The following BICRAL variants were observed in gnomAD, a reference collection of about 807,000 sequenced individuals.
BICRAL encodes BRD4-interacting chromatin-remodeling complex-associated protein-like.
Under a neutral mutation model 91.8 loss-of-function variants are expected in BICRAL, and 8 were observed. That is an observed-to-expected ratio of 0.09 (90% CI 0.05 to 0.16). BICRAL has a LOEUF of 0.16. Among genes scored for constraint, BICRAL ranks in the 10% least tolerant of loss-of-function variants. The pLI is 1.00. For missense variants in BICRAL, 1,038 were observed against 1,310.9 expected (o/e 0.79, Z 3.21); for synonymous variants, 445 against 491.1 (o/e 0.91, Z 1.24).
chr6:42,811,692 ACT>A (rs1763849160), intron 2 of BICRAL, among the ~76,000 whole-genome samples: 1 of 149,924 alleles, frequency 6.7e-6, no homozygotes, highest in African/African-American at 2.5e-5. Context: ...ACTGCACTCC[ACT>A]CTACTATCTG....
exon 1 of BICRAL, chr6:42,747,003 G>A (rs1762287699): frequency 1.3e-5 from 2 of 152,438 alleles, no homozygotes; most frequent in Admixed American, 1.3e-4. Flanking sequence ...TCCGCAGCTG[G>A]GCGTCGCCGG....
chr6:42,841,522 G>A (rs1042979493), intron 6 of BICRAL, among the ~76,000 whole-genome samples: 3 of 151,936 alleles, frequency 2.0e-5, no homozygotes, highest in African/African-American at 7.2e-5. Context: ...TTCTAGTCCC[G>A]CTCTGCCCCT....
chr6:42,863,072 C>T (rs1262778948), intron 12 of BICRAL, among the ~76,000 whole-genome samples: 3 of 135,552 alleles, frequency 2.2e-5, no homozygotes, highest in Admixed American at 8.0e-5. Flanking sequence ...TTTTTTGAGA[C>T]GGAGTATCGC....
At position 42,852,156 on chromosome 6, in the gene BICRAL, G is replaced by A. The variant is rs560073193; in HGVS notation, c.1904G>A (p.Arg635Lys). The A allele has an allele frequency of 1.5e-4, 243 of 1,613,708 alleles. 3 individuals are homozygous for A. The South Asian group carries it at 2.4e-3, about 16-fold the overall frequency. ...GCTCCCAAGACCACAGACGGCCTGA[G>A]GCAAGCACAGATCCCTGGGCTCTTG... ...ISAPKTTDGL[R>K]QAQIPGLLST... The change falls in exon 7 of 13, where the codon AGG becomes AAG. Residue 635 changes from arginine to lysine, a missense_variant. Around this residue, in one of 5 missense-constraint regions of BICRAL, gnomAD observed 532 missense variants for 724.9 expected, o/e 0.73. Transcript: ENST00000314073.
intron 1 of BICRAL, among the ~76,000 whole-genome samples, chr6:42,762,333 C>G (rs1402498900): frequency 6.6e-6 from 1 of 152,180 alleles, no homozygotes; most frequent in Admixed American, 6.5e-5. Context: ...CAAAATTTAA[C>G]TGGCTTGTAA....
chr6:42,830,911 T>C (rs1009313814), intron 6 of BICRAL, among the ~76,000 whole-genome samples: 1 of 152,096 alleles, frequency 6.6e-6, no homozygotes, highest in Non-Finnish European at 1.5e-5. Flanking sequence ...ACACCCGACC[T>C]TTTTTCTTAA....
chr6:42,853,078 A>AC (rs1025700598), intron 7 of BICRAL, among the ~76,000 whole-genome samples: 6 of 152,034 alleles, frequency 3.9e-5, no homozygotes, highest in Non-Finnish European at 2.9e-5. Context: ...AAAAAAAAAA[A>AC]AAAAGAAAAG....
intron 7 of BICRAL, 150 bp downstream of exon 7, chr6:42,852,347 A>G (rs1765210518): frequency 1.4e-6 from 1 of 708,768 alleles, no homozygotes; most frequent in African/African-American, 1.7e-5. Context: ...CGCAAATAAT[A>G]TACTGTGTTG....
At chr6:42,857,021 C>T (rs1390269086) in intron 9 of BICRAL, 70 bp from the exon 10 acceptor site, 11 of 1,300,934 alleles carry the variant, frequency 8.5e-6, no homozygotes, top group Non-Finnish European at 1.2e-5. Context: ...TATTTGCATG[C>T]AAATAAATAT....
At chr6:42,826,930 G>A (rs918437881) in intron 5 of BICRAL, among the ~76,000 whole-genome samples, 1 of 152,060 alleles carries the variant, frequency 6.6e-6, no homozygotes, top group African/African-American at 2.4e-5. Flanking sequence ...GGGATTACAG[G>A]CATGCGCCAC....
intron 1 of BICRAL, among the ~76,000 whole-genome samples, chr6:42,782,385 T>A (rs1482228173): frequency 1.3e-5 from 1 of 79,872 alleles, no homozygotes; most frequent in Admixed American, 1.6e-4. Context: ...TGGTGGTGGG[T>A]GGATGTTTAA....
chr6:42,820,440 A>G (rs1460393650), intron 2 of BICRAL, among the ~76,000 whole-genome samples: 2 of 152,176 alleles, frequency 1.3e-5, no homozygotes, highest in Admixed American at 6.5e-5. Context: ...AGACAAGCCT[A>G]TGGTATGCTG....
chr6:42,809,636 A>G (rs1420372262), intron 1 of BICRAL, among the ~76,000 whole-genome samples: 1 of 151,006 alleles, frequency 6.6e-6, no homozygotes, highest in African/African-American at 2.4e-5. Context: ...CACCATGCCC[A>G]GCTAATTTTT....
intron 5 of BICRAL, among the ~76,000 whole-genome samples, chr6:42,827,588 A>G (rs1202623010): frequency 2.6e-5 from 4 of 152,176 alleles, no homozygotes; most frequent in Non-Finnish European, 5.9e-5. Context: ...CAATCTCGAA[A>G]ATACTCTGAG....
chr6:42,828,803 A>C lies in BICRAL; in HGVS notation c.470A>C (p.Asn157Thr). 2 of 1,614,130 alleles carry C rather than the reference A, an allele frequency of 1.2e-6. No individual in the cohort carries two copies. Among genetic ancestry groups the C allele is most frequent in the Non-Finnish European group, 1.7e-6 (2 of 1,180,030 alleles). ...ASFTQASNVS[N>T]YSGQTLQPIG... ...TTTACTCAGGCTTCTAATGTTTCTA[A>C]TTACTCAGGTCAGACGCTGCAGCCT... Residue 157 changes from asparagine (N) to threonine (T), a missense_variant, in exon 6 of 13, where the codon AAT becomes ACT. Around this residue, in one of 5 missense-constraint regions of BICRAL, gnomAD observed 532 missense variants for 724.9 expected, o/e 0.73. Transcript: ENST00000314073.
At chr6:42,813,135 G>T (rs1309171491) in intron 2 of BICRAL, among the ~76,000 whole-genome samples, 1 of 152,180 alleles carries the variant, frequency 6.6e-6, no homozygotes, top group Non-Finnish European at 1.5e-5. Context: ...TGTAATTGTA[G>T]TCCCCAAAGA....
upstream of BICRAL, chr6:42,746,862 G>C (rs549120129): frequency 1.3e-5 from 2 of 152,148 alleles, no homozygotes; most frequent in South Asian, 2.1e-4. Context: ...GGCCCTGGGG[G>C]AGTCCATAAA....
At chr6:42,850,341 G>A (rs1226656098) in intron 6 of BICRAL, among the ~76,000 whole-genome samples, 1 of 152,052 alleles carries the variant, frequency 6.6e-6, no homozygotes. Context: ...CCAACACAGT[G>A]AAACCCCGTC....
chr6:42,788,740 A>G (rs1262572676), intron 1 of BICRAL, among the ~76,000 whole-genome samples: 2 of 152,226 alleles, frequency 1.3e-5, no homozygotes, highest in Admixed American at 1.3e-4. Context: ...GGATAATTTC[A>G]GGAAAGATGG....
Sources: allele counts gnomAD v4.1 joint callset (sites outside exome capture counted in the v4.1 genomes callset), GRCh38; gene constraint gnomAD v4.1.1; regional missense constraint gnomAD v4.1.1; transcripts MANE v1.5; gene names NCBI Gene and HGNC (gene_info 2026-07-23, HGNC 2026-07-21).